Variants in PAWR observed in about 807,000 individuals in gnomAD.
The protein encoded by PAWR is pro-apoptotic WT1 regulator, also known as PRKC apoptosis WT1 regulator protein.
In PAWR, 23 loss-of-function variants were observed where a neutral mutation model predicts 32.0. The ratio of observed to expected loss-of-function variants is 0.72; its 90% CI spans 0.52 to 1.02. The LOEUF (loss-of-function observed/expected upper bound fraction) is 1.02, where lower values mean the gene tolerates loss of function less well. Among genes scored for constraint, PAWR ranks in the 50% least tolerant of loss-of-function variants. The pLI is 0.00. For synonymous variants in PAWR, 226 were observed against 187.1 expected, an observed-to-expected ratio of 1.21 and a Z score of -1.70; for missense variants, 457 against 437.7, an observed-to-expected ratio of 1.04 and a Z score of -0.39.
intron 2 of PAWR, among the ~76,000 whole-genome samples, chr12:79,657,391 A>C (rs1273986771): frequency 6.6e-6 from 1 of 152,040 alleles, no homozygotes; most frequent in Non-Finnish European, 1.5e-5. Context: ...AATGCAGTTT[A>C]CTGTAGGTCA....
intron 2 of PAWR, among the ~76,000 whole-genome samples, chr12:79,676,401 CT>C (rs1878168619): frequency 6.6e-6 from 1 of 152,092 alleles, no homozygotes; most frequent in Admixed American, 6.6e-5. Context: ...ATAAGCTCCC[CT>C]ATGTACTCCA....
chr12:79,657,793 CAA>C (rs927429974), intron 2 of PAWR, among the ~76,000 whole-genome samples: 5 of 113,428 alleles, frequency 4.4e-5, no homozygotes, highest in Non-Finnish European at 3.8e-5. Flanking sequence ...GACTCCGTCT[CAA>C]AAAAAAAAAA....
intron 2 of PAWR, among the ~76,000 whole-genome samples, chr12:79,662,239 AAAGATCCAG>A: frequency 6.6e-6 from 1 of 151,698 alleles, no homozygotes; most frequent in South Asian, 2.1e-4. Flanking sequence ...CTAATGCTTA[AAAGATCCAG>A]AACTTTCAGG....
chr12:79,661,623 TAAAAA>T (rs897746151), intron 2 of PAWR, among the ~76,000 whole-genome samples: 1 of 152,166 alleles, frequency 6.6e-6, no homozygotes, highest in Admixed American at 6.5e-5. Flanking sequence ...ATTTTACACT[TAAAAA>T]AACTATTAAA....
At chr12:79,638,898 T>TATATATATA (rs1566013843) in intron 2 of PAWR, among the ~76,000 whole-genome samples, 5 of 6,342 alleles carry the variant, frequency 7.9e-4, no homozygotes, top group African/African-American at 1.2e-3. Flanking sequence ...ATATATATAT[T>TATATATATA]TTTTTTTTTT....
intron 2 of PAWR, among the ~76,000 whole-genome samples, chr12:79,657,362 G>A (rs1025941848): frequency 1.3e-4 from 19 of 151,352 alleles, no homozygotes; most frequent in Admixed American, 9.2e-4. Flanking sequence ...AAAACTTGTT[G>A]AATTGCACAC....
At chr12:79,685,525 G>A (rs538945342) in intron 2 of PAWR, among the ~76,000 whole-genome samples, 168 of 152,142 alleles carry the variant, frequency 1.1e-3, no homozygotes, top group African/African-American at 3.9e-3. Flanking sequence ...TCACCAACAC[G>A]AGTTCAAACT....
Position 79,592,736 on chromosome 12 carries a change from T to C in PAWR, c.937-43A>G, listed in dbSNP as rs776949072. On this transcript the variant is annotated intron_variant, in intron 6 of 6. Transcript: ENST00000328827. ...ACACTTTAAAAATACTTAAAAATAT[T>C]TGAGGAGAGATGAAAACACTTAATA... 5.8e-6 allele frequency: 4 copies of C among 695,160 alleles called. No individual in the cohort carries two copies. In the African/African-American group the frequency reaches 7.3e-5, roughly 13 times the overall value. 43.1% of individuals were successfully genotyped at this position (695,160 alleles called of 1,614,324 possible).
At chr12:79,686,510 T>TC (rs1878686244) in intron 2 of PAWR, among the ~76,000 whole-genome samples, 1 of 152,104 alleles carries the variant, frequency 6.6e-6, no homozygotes, top group South Asian at 2.1e-4. Context: ...CTGGGATCCA[T>TC]CCCAGACCCA....
At chr12:79,621,994 C>T (rs1265046033) in intron 2 of PAWR, among the ~76,000 whole-genome samples, 1 of 152,022 alleles carries the variant, frequency 6.6e-6, no homozygotes, top group Non-Finnish European at 1.5e-5. Context: ...AGAACTCACA[C>T]CCCCTCCAGA....
At chr12:79,690,663 G>A (rs1279945429) in intron 1 of PAWR, 3 of 154,882 alleles carry the variant, frequency 1.9e-5, no homozygotes, top group African/African-American at 7.3e-5. Flanking sequence ...CCGCGCCGGC[G>A]GCGGTCGAGA....
chr12:79,639,916 T>TTCCATTCCATTCCATTCCATTCCATTCC (rs1566014467), intron 2 of PAWR, among the ~76,000 whole-genome samples: 2 of 122,178 alleles, frequency 1.6e-5, no homozygotes, highest in African/African-American at 1.3e-4. Flanking sequence ...CATTCCATTC[T>TTCCATTCCATTCCATTCCATTCCATTCC]ATTCTAGAGA....
At chr12:79,619,100 A>G (rs1056392797) in intron 3 of PAWR, among the ~76,000 whole-genome samples, 4 of 152,010 alleles carry the variant, frequency 2.6e-5, no homozygotes, top group African/African-American at 9.7e-5. Context: ...TAAATAGAAA[A>G]CTTGAGACAT....
At chr12:79,595,278 A>G (rs542810509) in intron 5 of PAWR, among the ~76,000 whole-genome samples, 6 of 152,224 alleles carry the variant, frequency 3.9e-5, no homozygotes, top group Admixed American at 2.0e-4. Context: ...AAACAATGCA[A>G]CATCTTTTTC....
intron 2 of PAWR, chr12:79,635,643 G>C (rs8176848): frequency 6.6e-6 from 1 of 152,044 alleles, no homozygotes; most frequent in Non-Finnish European, 1.5e-5. Flanking sequence ...GAAATATGTT[G>C]TTTATAATCT....
chr12:79,670,341 G>T (rs1479257698), intron 2 of PAWR, among the ~76,000 whole-genome samples: 1 of 152,054 alleles, frequency 6.6e-6, no homozygotes, highest in African/African-American at 2.4e-5. Flanking sequence ...ATTAGGTAAT[G>T]AAAGCTTAAA....
intron 3 of PAWR, 22 bp downstream of exon 3, chr12:79,621,054 C>A: frequency 1.9e-6 from 3 of 1,567,042 alleles, no homozygotes; most frequent in Non-Finnish European, 2.6e-6. Flanking sequence ...ATAGTGACTT[C>A]CTGGTATTTT....
intron 2 of PAWR, among the ~76,000 whole-genome samples, chr12:79,622,551 T>C (rs1398457294): frequency 6.6e-6 from 1 of 152,156 alleles, no homozygotes; most frequent in African/African-American, 2.4e-5. Flanking sequence ...AGTGAGAATA[T>C]GCAGTGATTG....
intron 2 of PAWR, among the ~76,000 whole-genome samples, chr12:79,651,877 G>A (rs1362325993): frequency 6.6e-6 from 1 of 152,150 alleles, no homozygotes; most frequent in Non-Finnish European, 1.5e-5. Context: ...AGCTACCAAT[G>A]AATGAAGTGT....
Sources: gnomAD v4.1 joint callset for allele counts (sites outside exome capture counted in the v4.1 genomes callset) on GRCh38, gnomAD v4.1.1 for gene constraint, MANE v1.5 for transcripts, NCBI Gene and HGNC (gene_info 2026-07-23, HGNC 2026-07-21) for gene names.